SERPINI2: variants seen among roughly 807,000 people sequenced by gnomAD.
The protein encoded by SERPINI2 is serpin family I member 2.
SERPINI2 carries 48 observed loss-of-function variants against 47.3 expected under a neutral mutation model. The ratio of observed to expected loss-of-function variants is 1.02; its 90% CI spans 0.81 to 1.29. The LOEUF (loss-of-function observed/expected upper bound fraction) is 1.29, where lower values mean the gene tolerates loss of function less well. Among genes scored for constraint, SERPINI2 ranks in the 50% most tolerant of loss-of-function variants. The pLI, the probability that SERPINI2 is intolerant of heterozygous loss-of-function variation, is 0.00. For synonymous variants in SERPINI2, 135 were observed against 149.3 expected (o/e 0.90, Z 0.70); for missense variants, 448 against 456.9 (o/e 0.98, Z 0.18).
chr3:167,469,920 G>A (rs1336500954), intron 2 of SERPINI2, among the ~76,000 whole-genome samples: 1 of 152,044 alleles, frequency 6.6e-6, no homozygotes, highest in Non-Finnish European at 1.5e-5. Flanking sequence ...ACTTAACAAA[G>A]TAATTATAAA....
intron 5 of SERPINI2, among the ~76,000 whole-genome samples, chr3:167,462,837 A>C (rs1439383740): frequency 6.6e-6 from 1 of 152,170 alleles, no homozygotes; most frequent in African/African-American, 2.4e-5. Context: ...GGAGATGCTG[A>C]GAATAAGGCC....
intron 5 of SERPINI2, among the ~76,000 whole-genome samples, chr3:167,463,731 A>G (rs1750050836): frequency 6.6e-6 from 1 of 152,226 alleles, no homozygotes; most frequent in South Asian, 2.1e-4. Context: ...GGTGATTTCT[A>G]TAAATAGAGA....
intron 2 of SERPINI2, among the ~76,000 whole-genome samples, chr3:167,468,992 G>A (rs988212785): frequency 6.6e-6 from 1 of 152,126 alleles, no homozygotes; most frequent in African/African-American, 2.4e-5. Flanking sequence ...TTTATGTCAT[G>A]TACTTAAGGT....
upstream of SERPINI2, among the ~76,000 whole-genome samples, chr3:167,475,105 T>G (rs939510913): frequency 4.0e-5 from 6 of 151,692 alleles, no homozygotes; most frequent in Admixed American, 2.0e-4. Flanking sequence ...TAACTAAAAT[T>G]TTTTGATTTC....
chr3:167,450,360 G>A (rs9863185), intron 6 of SERPINI2, among the ~76,000 whole-genome samples: 20,119 of 152,060 alleles, frequency 0.13, 1,589 homozygotes, highest in East Asian at 0.28. Flanking sequence ...TATGTGAAGC[G>A]TTTCTGGTAG....
At chr3:167,444,414 T>C (rs1204749512) in intron 8 of SERPINI2, among the ~76,000 whole-genome samples, 1 of 152,140 alleles carries the variant, frequency 6.6e-6, no homozygotes, top group Admixed American at 6.5e-5. Context: ...CCAGGCTATG[T>C]AAAAATTGAT....
intron 1 of SERPINI2, 111 bp downstream of exon 1, chr3:167,473,892 A>T: frequency 1.7e-6 from 2 of 1,182,126 alleles, no homozygotes; most frequent in Non-Finnish European, 2.1e-6. Context: ...AATTCAAATG[A>T]TTTTTACACC....
At chr3:167,442,730 A>T (rs1260210452) in intron 8 of SERPINI2, among the ~76,000 whole-genome samples, 1 of 152,206 alleles carries the variant, frequency 6.6e-6, no homozygotes, top group African/African-American at 2.4e-5. Flanking sequence ...TACAGCATAA[A>T]TGCAAATACC....
intron 5 of SERPINI2, among the ~76,000 whole-genome samples, chr3:167,462,098 T>A (rs555617867): frequency 6.6e-6 from 1 of 152,330 alleles, no homozygotes; most frequent in Admixed American, 6.5e-5. Context: ...AGGCTAAGTA[T>A]AACAACGGAC....
exon 4 of SERPINI2, chr3:167,465,490 C>T: frequency 2.5e-6 from 4 of 1,613,278 alleles, no homozygotes; most frequent in Non-Finnish European, 3.4e-6. Flanking sequence ...ATATTTTGTT[C>T]TCAGAAGAGC....
At chr3:167,450,997 C>A (rs1417747204) in intron 6 of SERPINI2, among the ~76,000 whole-genome samples, 3 of 152,156 alleles carry the variant, frequency 2.0e-5, no homozygotes, top group Non-Finnish European at 2.9e-5. Context: ...GTCATTATTT[C>A]TCTTAATTTT....
At chr3:167,471,778 T>C (rs371720866) in exon 2 of SERPINI2, 1 of 1,613,402 alleles carries the variant, frequency 6.2e-7, no homozygotes, top group Non-Finnish European at 8.5e-7. Context: ...CTGAGCATCT[T>C]GAGGCTTGAC....
chr3:167,453,010 TCTA>T (rs1489278341), exon 6 of SERPINI2: 1 of 1,596,904 alleles, frequency 6.3e-7, no homozygotes, highest in Non-Finnish European at 8.5e-7. Context: ...GTCTTTGAAG[TCTA>T]CTTTTTGTTC....
chr3:167,471,735 A>T (rs755076979), exon 2 of SERPINI2: 1 of 1,613,602 alleles, frequency 6.2e-7, no homozygotes, highest in Non-Finnish European at 8.5e-7. Flanking sequence ...ACCTCTTGAT[A>T]AAGATCCACT....
intron 6 of SERPINI2, 64 bp from the exon 7 acceptor site, chr3:167,449,466 G>C (rs146770472): frequency 1.9e-4 from 155 of 833,182 alleles, no homozygotes; most frequent in Admixed American, 1.4e-3. Flanking sequence ...TTACCTATTA[G>C]ATCTCAATTA....
At chr3:167,448,802 G>A (rs545055548) in intron 7 of SERPINI2, among the ~76,000 whole-genome samples, 32 of 151,986 alleles carry the variant, frequency 2.1e-4, no homozygotes, top group African/African-American at 6.0e-4. Flanking sequence ...GATTACAGGC[G>A]TGAGCCACCG....
At chr3:167,448,207 G>A (rs563753970) in intron 7 of SERPINI2, among the ~76,000 whole-genome samples, 1 of 152,298 alleles carries the variant, frequency 6.6e-6, no homozygotes, top group Admixed American at 6.5e-5. Context: ...TGGCCTAGAA[G>A]AGTGGTTCTC....
At chr3:167,471,825 T>C (rs769578160) in exon 2 of SERPINI2, 3 of 1,609,512 alleles carry the variant, frequency 1.9e-6, no homozygotes, top group African/African-American at 1.3e-5. Context: ...CACAAGAAGA[T>C]TGTGTCCATT....
chr3:167,471,903 C>A, intron 1 of SERPINI2, 59 bp from the exon 2 acceptor site: 1 of 1,311,452 alleles, frequency 7.6e-7, no homozygotes, highest in South Asian at 1.3e-5. Flanking sequence ...ACAGAGAGCT[C>A]AACAGAAAAC....
Sources: gnomAD v4.1 joint callset for allele counts (sites outside exome capture counted in the v4.1 genomes callset) on GRCh38, gnomAD v4.1.1 for gene constraint, MANE v1.5 for transcripts, NCBI Gene and HGNC (gene_info 2026-07-23, HGNC 2026-07-21) for gene names.